ZSWIM9: variants seen among roughly 807,000 people sequenced by gnomAD.
The protein encoded by ZSWIM9 is uncharacterized protein ZSWIM9.
Under a neutral mutation model 25.0 loss-of-function variants are expected in ZSWIM9, and 11 were observed. The ratio of observed to expected loss-of-function variants is 0.44; its 90% CI spans 0.28 to 0.73. ZSWIM9 has a LOEUF of 0.73. Ranked by LOEUF, ZSWIM9 falls within the 30% of genes least tolerant of loss-of-function variation. ZSWIM9 has a pLI of 0.16. For missense variants in ZSWIM9, 1,070 were observed against 1,296.5 expected (o/e 0.83, Z 2.68); for synonymous variants, 562 against 582.1 (o/e 0.97, Z 0.50).
At chr19:48,171,583 A>G (rs939735042) in intron 1 of ZSWIM9, among the ~76,000 whole-genome samples, 1 of 152,150 alleles carries the variant, frequency 6.6e-6, no homozygotes, top group Non-Finnish European at 1.5e-5. Context: ...ACAGGCTCCA[A>G]GTGAACCAGG....
chr19:48,184,023 T>C (rs1392259925), intron 3 of ZSWIM9, among the ~76,000 whole-genome samples: 1 of 151,808 alleles, frequency 6.6e-6, no homozygotes, highest in Non-Finnish European at 1.5e-5. Flanking sequence ...TGATGAATGT[T>C]CTCAAGGGGA....
At position 48,182,769 on chromosome 19, in the gene ZSWIM9, T is replaced by TC; in HGVS notation, c.588+2_588+3insC. ...TTCCGCACCGACCCCGAGGCCAAGG[T>TC]GGGGTCTCGAGAGAGGCAGGCCGGG... On this transcript the variant is annotated splice_region_variant and intron_variant, in intron 3 of 3. Transcript: ENST00000614654. The surrounding 1 kb of genome is among the most constrained non-coding windows in gnomAD (Gnocchi z 4.6). 1 of 1,522,488 alleles carries TC rather than the reference T, an allele frequency of 6.6e-7. No individual in the cohort carries two copies. The highest frequency in any genetic ancestry group is 8.8e-7 in the Non-Finnish European group (1 of 1,136,744). The allele number at this position is 1,522,488 out of a possible 1,614,324, so 94.3% of individuals were successfully genotyped here. A position where few individuals can be genotyped will look rare whatever the true frequency, so the allele number is the denominator to read the frequency against.
chr19:48,183,521 G>A (rs570388536), intron 3 of ZSWIM9, among the ~76,000 whole-genome samples: 2 of 152,134 alleles, frequency 1.3e-5, no homozygotes, highest in East Asian at 1.9e-4. Flanking sequence ...CAGTTCTGGC[G>A]GGAAAAACCA....
rs1006778881 is a variant in ZSWIM9 at position 48,182,814 on chromosome 19, C to T, written c.588+47C>T. 3.6e-6 allele frequency: 5 copies of T among 1,399,374 alleles called. No individual in the cohort carries two copies. Among genetic ancestry groups the T allele is most frequent in the Non-Finnish European group, 3.8e-6 (4 of 1,040,348 alleles). 86.7% of individuals were successfully genotyped at this position (1,399,374 alleles called of 1,614,324 possible). On this transcript the variant is annotated intron_variant, in intron 3 of 3. Transcript: ENST00000614654. The surrounding 1 kb of genome is among the most constrained non-coding windows in gnomAD (Gnocchi z 4.6). ...GCCGGGGGAGGGGGCGGGGGAAAGC[C>T]GCGCTGAAGACTCGTGGGTCATTCA... is the stretch of plus-strand genomic sequence containing the variant.
intron 2 of ZSWIM9, among the ~76,000 whole-genome samples, chr19:48,174,079 ACT>A (rs1445213302): frequency 5.3e-5 from 8 of 151,028 alleles, no homozygotes; most frequent in Admixed American, 3.3e-4. Context: ...AAACCCTGCC[ACT>A]CTCTGCTGCC....
At position 48,196,694 on chromosome 19, in the gene ZSWIM9, G is replaced by C; in HGVS notation, c.2630G>C (p.Arg877Pro). 2 of 1,233,008 alleles carry C rather than the reference G, an allele frequency of 1.6e-6. No homozygotes were observed. The highest frequency in any genetic ancestry group is 2.0e-6 in the Non-Finnish European group (2 of 988,660). The allele number at this position is 1,233,008 out of a possible 1,614,324, so 76.4% of individuals were successfully genotyped here. A position where few individuals can be genotyped will look rare whatever the true frequency, so the allele number is the denominator to read the frequency against. Residue 877 changes from arginine (R) to proline (P), a missense_variant, in exon 4 of 4, where the codon CGC becomes CCC. By Grantham distance (103) the Arg-to-Pro change is moderately radical. Coordinates refer to ENST00000614654, the MANE Select transcript of ZSWIM9 (RefSeq NM_199341.4). Reference protein sequence around the residue: ...SDFFLDGALTRCSCSIHAARR... With the variant: ...SDFFLDGALTPCSCSIHAARR... ...TTCTTCCTGGATGGGGCCCTGACAC[G>C]CTGCAGCTGCTCAATTCACGCCGCC...
chr19:48,171,817 G>A lies in ZSWIM9; in HGVS notation c.15G>A (p.Glu5=). The change falls in exon 2 of 4, where the codon GAG becomes GAA. Residue 5 remains glutamate, a synonymous_variant. Transcript: ENST00000614654. Reference sequence around the variant, plus strand: ...AGGCCCCCAGGATGGAGCGGCCGGAGCCCCCACCCGGCACGGCTGCGGGGC... The same window carrying A: ...AGGCCCCCAGGATGGAGCGGCCGGAACCCCCACCCGGCACGGCTGCGGGGC... MERP[E]PPPGTAAGQE... 1 of 1,532,926 alleles carries A rather than the reference G, an allele frequency of 6.5e-7. No homozygotes were observed. The highest frequency in any genetic ancestry group is 8.7e-7 in the Non-Finnish European group (1 of 1,145,658). 95.0% of individuals were successfully genotyped at this position (1,532,926 alleles called of 1,614,324 possible).
chr19:48,187,552 A>T (rs1245912738), intron 3 of ZSWIM9: 1 of 28,948 alleles, frequency 3.5e-5, no homozygotes, highest in East Asian at 1.3e-3. Context: ...ATTATATTAT[A>T]TATATTATAT....
At chr19:48,187,424 T>TTATATTATATATATTATATATTA (rs71181654) in intron 3 of ZSWIM9, among the ~76,000 whole-genome samples, 1 of 63,914 alleles carries the variant, frequency 1.6e-5, no homozygotes, top group Non-Finnish European at 3.2e-5. Flanking sequence ...TAATTATATA[T>TTATATTATATATATTATATATTA]TATATTATAT....
rs770450226 is a variant in ZSWIM9 at position 48,197,287 on chromosome 19, G to T, written c.*460G>T. 1 of 702,596 alleles carries T rather than the reference G, an allele frequency of 1.4e-6. No individual in the cohort carries two copies. Among genetic ancestry groups the T allele is most frequent in the African/African-American group, 1.8e-5 (1 of 57,120 alleles). The allele number at this position is 702,596 out of a possible 1,614,324, so 43.5% of individuals were successfully genotyped here. ...GAGAGGAGGTAAGCGAGAAAAAATG[G>T]AAAGGGGAGCCGGAAATGGAGGAGA... On this transcript the variant is annotated 3_prime_UTR_variant, in exon 4 of 4. Transcript: ENST00000614654.
At chr19:48,177,285 G>A (rs528318484) in intron 2 of ZSWIM9, among the ~76,000 whole-genome samples, 1 of 152,226 alleles carries the variant, frequency 6.6e-6, no homozygotes, top group East Asian at 1.9e-4. Context: ...ATGTGGATGG[G>A]TAGGACGTGG....
intron 3 of ZSWIM9, among the ~76,000 whole-genome samples, chr19:48,192,365 G>T (rs1335669861): frequency 7.0e-6 from 1 of 142,998 alleles, no homozygotes; most frequent in Non-Finnish European, 1.5e-5. Context: ...AGGAAGAATC[G>T]CTTGAACCCG....
rs890247630 is a variant in ZSWIM9 at position 48,194,705 on chromosome 19, T to C, written c.641T>C (p.Leu214Pro). ...DQAVVETVFF[L>P]TSRTRALLRR... ...GCTGTGGTGGAGACGGTGTTCTTCC[T>C]GACGTCGCGCACCAGGGCGCTGCTG... Residue 214 changes from leucine (L) to proline (P), a missense_variant, in exon 4 of 4, where the codon CTG (leucine) becomes CCG (proline). Physicochemically the swap from Leu to Pro is moderately conservative, Grantham distance 98 (BLOSUM62 -3). This residue lies in a region of ZSWIM9 where 265 missense variants were observed against 339.0 expected (regional missense o/e 0.78). Coordinates refer to ENST00000614654, the MANE Select transcript of ZSWIM9 (RefSeq NM_199341.4). This position sits in a 1 kb window ranked among gnomAD's most constrained non-coding sequence, Gnocchi z 6.0. The C allele has an allele frequency of 5.2e-6, 8 of 1,527,872 alleles. No homozygotes were observed. Among genetic ancestry groups the C allele is most frequent in the Admixed American group, 2.0e-5 (1 of 49,638 alleles). 94.6% of individuals were successfully genotyped at this position (1,527,872 alleles called of 1,614,324 possible).
At chr19:48,178,263 C>T (rs370225261) in intron 2 of ZSWIM9, among the ~76,000 whole-genome samples, 1 of 152,288 alleles carries the variant, frequency 6.6e-6, no homozygotes, top group East Asian at 1.9e-4. Context: ...CTAGCAGGCT[C>T]CTGCGTTTTT....
At chr19:48,180,098 C>T (rs551747205) in intron 2 of ZSWIM9, among the ~76,000 whole-genome samples, 7 of 152,032 alleles carry the variant, frequency 4.6e-5, no homozygotes, top group East Asian at 3.9e-4. Flanking sequence ...CTCACCGCAA[C>T]GTCCGCCTCC....
chr19:48,190,523 C>G (rs2037081263), intron 3 of ZSWIM9: 1 of 154,900 alleles, frequency 6.5e-6, no homozygotes, highest in Non-Finnish European at 1.5e-5. Context: ...GCTGCGAAGG[C>G]TTCTCCTTGG....
intron 3 of ZSWIM9, among the ~76,000 whole-genome samples, chr19:48,188,832 C>G (rs1051086657): frequency 6.6e-6 from 1 of 151,780 alleles, no homozygotes; most frequent in Non-Finnish European, 1.5e-5. Flanking sequence ...GAGATCGAGA[C>G]CAGCCTGGCT....
At position 48,191,136 on chromosome 19, in the gene ZSWIM9, T is replaced by G. The variant is rs568117021; in HGVS notation, c.589-3517T>G. ...TGTGTGTGTGTGTGTGCAGAATGGGTAGAACCGTGCCCAGAAGTAGGAAGC... is the reference window on the plus strand; with the variant it reads ...TGTGTGTGTGTGTGTGCAGAATGGGGAGAACCGTGCCCAGAAGTAGGAAGC... On this transcript the variant is annotated intron_variant, in intron 3 of 3. Coordinates refer to ENST00000614654, the MANE Select transcript of ZSWIM9 (RefSeq NM_199341.4). Among the ~76,000 whole-genome samples, 4 of 149,396 alleles carry G rather than the reference T, an allele frequency of 2.7e-5. No individual in the cohort carries two copies. In the East Asian group the frequency reaches 7.9e-4, roughly 30 times the overall value.
chr19:48,180,665 G>A (rs1386236871), intron 2 of ZSWIM9: 1 of 152,054 alleles, frequency 6.6e-6, no homozygotes, highest in African/African-American at 2.4e-5. Flanking sequence ...CAGTTTCAGT[G>A]ACTATGATGT....
Sources: allele counts gnomAD v4.1 joint callset (sites outside exome capture counted in the v4.1 genomes callset), GRCh38; gene constraint gnomAD v4.1.1; regional missense constraint gnomAD v4.1.1; non-coding constraint Gnocchi (gnomAD v3.1); transcripts MANE v1.5; gene names NCBI Gene and HGNC (gene_info 2026-07-23, HGNC 2026-07-21).